ULK4: variants seen among roughly 807,000 people sequenced by gnomAD.
ULK4 encodes inactive serine/threonine-protein kinase ULK4.
In ULK4, 133 loss-of-function variants were observed where a neutral mutation model predicts 160.6. That is an observed-to-expected ratio of 0.83 (90% CI 0.72 to 0.96). The LOEUF is 0.96. ULK4 is among the 40% of genes least tolerant of loss of function. ULK4 has a pLI of 0.00. For missense variants in ULK4, 1,580 were observed against 1,499.5 expected (o/e 1.05, Z -0.89); for synonymous variants, 534 against 539.8 (o/e 0.99, Z 0.15).
At chr3:41,836,975 G>A (rs1027374913) in intron 17 of ULK4, among the ~76,000 whole-genome samples, 2 of 152,168 alleles carry the variant, frequency 1.3e-5, no homozygotes, top group Non-Finnish European at 2.9e-5. Context: ...TAGTGTGGAA[G>A]CACTACTCTC....
chr3:41,655,654 T>C (rs2034912789), intron 30 of ULK4, among the ~76,000 whole-genome samples: 1 of 152,100 alleles, frequency 6.6e-6, no homozygotes, highest in African/African-American at 2.4e-5. Flanking sequence ...CTGCAGTAAG[T>C]GGTGATCACA....
At chr3:41,653,136 A>T (rs1281298509) in intron 30 of ULK4, among the ~76,000 whole-genome samples, 1 of 152,164 alleles carries the variant, frequency 6.6e-6, no homozygotes, top group African/African-American at 2.4e-5. Context: ...AATGCAAACT[A>T]ACCAATCCTT....
chr3:41,609,378 G>A (rs1038715561), intron 31 of ULK4, among the ~76,000 whole-genome samples: 5 of 152,004 alleles, frequency 3.3e-5, no homozygotes, highest in Admixed American at 1.3e-4. Context: ...GATTGTACCC[G>A]AGCCCAAGAA....
intron 27 of ULK4, among the ~76,000 whole-genome samples, chr3:41,703,825 AATGCGC>A (rs1412379782): frequency 2.2e-5 from 3 of 134,236 alleles, no homozygotes; most frequent in Non-Finnish European, 3.1e-5. Flanking sequence ...TGAAGGATTT[AATGCGC>A]ATGCACACAC....
intron 32 of ULK4, among the ~76,000 whole-genome samples, chr3:41,477,209 C>G (rs2084170774): frequency 1.3e-5 from 2 of 152,182 alleles, no homozygotes; most frequent in African/African-American, 2.4e-5. Context: ...AAGCAAACCC[C>G]TAAAGGAGTC....
At chr3:41,363,026 T>G (rs2081179525) in intron 35 of ULK4, among the ~76,000 whole-genome samples, 1 of 152,196 alleles carries the variant, frequency 6.6e-6, no homozygotes, top group Admixed American at 6.5e-5. Flanking sequence ...GCCTTTGTAA[T>G]GGTAATGGAG....
intron 32 of ULK4, among the ~76,000 whole-genome samples, chr3:41,533,328 A>G (rs2086386394): frequency 6.6e-6 from 1 of 152,248 alleles, no homozygotes; most frequent in Non-Finnish European, 1.5e-5. Context: ...TTATTTTTAG[A>G]CTAAATCCTT....
At chr3:41,934,228 C>T (rs1184485017) in intron 4 of ULK4, among the ~76,000 whole-genome samples, 2 of 152,162 alleles carry the variant, frequency 1.3e-5, no homozygotes, top group African/African-American at 4.8e-5. Flanking sequence ...TCTACAGCTG[C>T]TTTCAGCACT....
At chr3:41,943,534 C>T (rs867766421) in intron 2 of ULK4, among the ~76,000 whole-genome samples, 7 of 152,164 alleles carry the variant, frequency 4.6e-5, no homozygotes, top group Admixed American at 2.0e-4. Flanking sequence ...GCCTGATTTA[C>T]TTTAAATTTA....
In ULK4 at chr3:41,879,057, T is replaced by A. The variant is rs2125699422; in HGVS notation, c.1656+4817A>T. ...ATTTGGGCCAAGACAAGGGACAATT[T>A]GTCTGTAACAAATAAATGACACTAA... On this transcript the variant is annotated intron_variant, in intron 17 of 36. Transcript: ENST00000301831. Among the ~76,000 whole-genome samples the A allele has an allele frequency of 2.0e-5, 3 of 152,308 alleles. No homozygotes were observed. In the South Asian group the frequency reaches 6.2e-4, roughly 32 times the overall value.
At chr3:41,782,040 T>G (rs965659493) in intron 21 of ULK4, among the ~76,000 whole-genome samples, 2 of 152,232 alleles carry the variant, frequency 1.3e-5, no homozygotes, top group African/African-American at 4.8e-5. Context: ...AACTTTTTTT[T>G]AGGTTTGAAA....
At chr3:41,263,879 ACT>A (rs2078986303) in intron 35 of ULK4, among the ~76,000 whole-genome samples, 1 of 152,308 alleles carries the variant, frequency 6.6e-6, no homozygotes, top group South Asian at 2.1e-4. Flanking sequence ...TATGTGTTGG[ACT>A]CTGTTTAGAT....
intron 22 of ULK4, among the ~76,000 whole-genome samples, chr3:41,735,760 C>T (rs572398959): frequency 1.3e-5 from 2 of 150,864 alleles, no homozygotes; most frequent in African/African-American, 4.9e-5. Context: ...AGGTTTGTTA[C>T]ATATGTATAC....
intron 34 of ULK4, among the ~76,000 whole-genome samples, chr3:41,399,211 G>A (rs1284611257): frequency 6.6e-6 from 1 of 152,054 alleles, no homozygotes; most frequent in Admixed American, 6.6e-5. Context: ...GGTCTAGAGG[G>A]GTAACTCATT....
intron 29 of ULK4, among the ~76,000 whole-genome samples, chr3:41,678,093 C>G (rs2035790003): frequency 1.3e-5 from 2 of 151,992 alleles, no homozygotes. Context: ...TCTCCTGGGT[C>G]TCCAGCTTGT....
chr3:41,820,105 TAAATC>T (rs1460159525), intron 18 of ULK4, among the ~76,000 whole-genome samples: 1 of 151,892 alleles, frequency 6.6e-6, no homozygotes, highest in African/African-American at 2.4e-5. Context: ...AATCAGAAAA[TAAATC>T]AGGTACCACA....
chr3:41,461,567 T>C (rs1395705708), intron 33 of ULK4, among the ~76,000 whole-genome samples: 3 of 152,240 alleles, frequency 2.0e-5, no homozygotes, highest in South Asian at 2.1e-4. Flanking sequence ...AGCAGTAAAA[T>C]GTACAGTGGT....
rs1403316838 is a variant in ULK4 at position 41,898,584 on chromosome 3, T to G, written c.1288-92A>C. On this transcript the variant is annotated intron_variant, in intron 13 of 36. Transcript: ENST00000301831. Reference sequence around the variant, plus strand: ...TCCCTTATGTCAGATAATAAATCAATGAGGACAAAAAAAGAATGTGCAAAA... The same window carrying G: ...TCCCTTATGTCAGATAATAAATCAAGGAGGACAAAAAAAGAATGTGCAAAA... 6.6e-6 allele frequency: 5 copies of G among 760,686 alleles called. No homozygotes were observed. In the South Asian group the frequency reaches 1.1e-4, roughly 16 times the overall value. 47.1% of individuals were successfully genotyped at this position (760,686 alleles called of 1,614,324 possible). A position where few individuals can be genotyped will look rare whatever the true frequency, so the allele number is the denominator to read the frequency against.
chr3:41,957,320 GGCACAC>G (rs551416354), intron 1 of ULK4, among the ~76,000 whole-genome samples: 250 of 151,904 alleles, frequency 1.6e-3, no homozygotes, highest in African/African-American at 5.4e-3. Context: ...CAGGCATGGT[GGCACAC>G]GCTTGTAATC....
Sources: gnomAD v4.1 joint callset for allele counts (sites outside exome capture counted in the v4.1 genomes callset) on GRCh38, gnomAD v4.1.1 for gene constraint, MANE v1.5 for transcripts, NCBI Gene and HGNC (gene_info 2026-07-23, HGNC 2026-07-21) for gene names.